Variants in CBLB observed in about 807,000 individuals in gnomAD.
The protein encoded by CBLB is Cbl proto-oncogene B.
Under a neutral mutation model 104.9 loss-of-function variants are expected in CBLB, and 31 were observed. That is an observed-to-expected ratio of 0.30 (90% confidence interval 0.22 to 0.40). The LOEUF (loss-of-function observed/expected upper bound fraction) is 0.40, where lower values mean the gene tolerates loss of function less well. Among genes scored for constraint, CBLB ranks in the 10% least tolerant of loss-of-function variants. The pLI is 1.00. For synonymous variants in CBLB, 440 were observed against 422.6 expected (o/e 1.04, Z -0.51); for missense variants, 1,062 against 1,214.6 (o/e 0.87, Z 1.87).
chr3:105,836,433 T>C (rs1365568092), intron 3 of CBLB, among the ~76,000 whole-genome samples: 1 of 152,108 alleles, frequency 6.6e-6, no homozygotes. Flanking sequence ...CCAGATAAAT[T>C]TTAAAAAGTA....
At chr3:105,859,331 T>C (rs2091897434) in intron 2 of CBLB, among the ~76,000 whole-genome samples, 2 of 152,166 alleles carry the variant, frequency 1.3e-5, no homozygotes, top group African/African-American at 4.8e-5. Context: ...TACTCTCAAG[T>C]GAACTGCCTC....
At chr3:105,737,339 A>T (rs2075061531) in intron 7 of CBLB, 81 bp from the exon 8 acceptor site, 3 of 652,794 alleles carry the variant, frequency 4.6e-6, no homozygotes, top group Non-Finnish European at 8.1e-6. Flanking sequence ...ATTTTTCTAT[A>T]TTCAAACATA....
intron 3 of CBLB, among the ~76,000 whole-genome samples, chr3:105,818,354 T>G (rs2085345774): frequency 6.6e-6 from 1 of 152,122 alleles, no homozygotes; most frequent in Admixed American, 6.5e-5. Context: ...GCTTGAGACA[T>G]AAAATCTCCA....
intron 3 of CBLB, among the ~76,000 whole-genome samples, chr3:105,820,960 T>G (rs1427458654): frequency 6.6e-6 from 1 of 152,176 alleles, no homozygotes; most frequent in East Asian, 1.9e-4. Flanking sequence ...TTGTAAAATC[T>G]GGTTTAAAAA....
intron 3 of CBLB, among the ~76,000 whole-genome samples, chr3:105,807,985 A>C (rs1275205043): frequency 5.9e-5 from 9 of 152,188 alleles, no homozygotes; most frequent in African/African-American, 1.9e-4. Flanking sequence ...ATATGTAACC[A>C]CTCTATGTTA....
intron 2 of CBLB, among the ~76,000 whole-genome samples, chr3:105,860,050 G>A (rs1054403145): frequency 2.6e-5 from 4 of 152,306 alleles, no homozygotes; most frequent in African/African-American, 9.6e-5. Flanking sequence ...CACCATTAAA[G>A]AACTGACTAG....
chr3:105,740,658 A>C (rs367961034), intron 6 of CBLB, 27 bp from the exon 7 acceptor site: 12 of 1,590,960 alleles, frequency 7.5e-6, no homozygotes, highest in Non-Finnish European at 1.0e-5. Context: ...AATTACATCT[A>C]ATTACATTCA....
intron 3 of CBLB, among the ~76,000 whole-genome samples, chr3:105,852,336 A>C (rs1198106908): frequency 2.0e-5 from 3 of 152,140 alleles, no homozygotes; most frequent in Non-Finnish European, 4.4e-5. Flanking sequence ...GATGATCCTG[A>C]CACTGTGCAG....
At chr3:105,799,088 T>A in intron 3 of CBLB, among the ~76,000 whole-genome samples, 1 of 151,016 alleles carries the variant, frequency 6.6e-6, no homozygotes, top group Non-Finnish European at 1.5e-5. Flanking sequence ...AATGAAATGT[T>A]TAACAATGAC....
In CBLB at chr3:105,745,970, G is replaced by A; in HGVS notation, c.792C>T (p.Leu264=). The part of the protein sequence containing the change: ...AVTHPGYMAF[L]TYDEVKARLQ... ...GTCGTGCTTTAACTTCATCATATGTGAGAAATGCCATGTAACCTGGATGTG... is the reference window on the plus strand; with the variant it reads ...GTCGTGCTTTAACTTCATCATATGTAAGAAATGCCATGTAACCTGGATGTG... The change falls in exon 6 of 19, where the codon CTC becomes CTT. Residue 264 remains leucine, a synonymous_variant. Coordinates refer to ENST00000394030, the MANE Select transcript of CBLB (RefSeq NM_170662.5). The A allele has an allele frequency of 6.2e-7, 1 of 1,611,302 alleles. No individual in the cohort carries two copies. Among genetic ancestry groups the A allele is most frequent in the Non-Finnish European group, 8.5e-7 (1 of 1,177,576 alleles).
At chr3:105,661,882 C>T (rs1463941535) in intron 18 of CBLB, among the ~76,000 whole-genome samples, 1 of 151,884 alleles carries the variant, frequency 6.6e-6, no homozygotes, top group Admixed American at 6.6e-5. Flanking sequence ...ACTGAGGAGA[C>T]CATTAAAAAG....
chr3:105,758,187 C>G (rs2077254137), intron 4 of CBLB, among the ~76,000 whole-genome samples: 1 of 152,102 alleles, frequency 6.6e-6, no homozygotes, highest in African/African-American at 2.4e-5. Flanking sequence ...AAGGGAAAAG[C>G]AATTGTTTTC....
At chr3:105,794,465 T>C (rs948038923) in intron 3 of CBLB, among the ~76,000 whole-genome samples, 5 of 152,328 alleles carry the variant, frequency 3.3e-5, no homozygotes, top group Non-Finnish European at 7.3e-5. Flanking sequence ...TCTTTTAGGA[T>C]ATTTTGAAAT....
chr3:105,662,783 A>C (rs572750271), intron 18 of CBLB, among the ~76,000 whole-genome samples: 61 of 152,360 alleles, frequency 4.0e-4, no homozygotes, highest in Non-Finnish European at 7.6e-4. Flanking sequence ...TGAGAAAGAA[A>C]GATTTGAGAA....
intron 3 of CBLB, among the ~76,000 whole-genome samples, chr3:105,784,584 A>C (rs2080731517): frequency 6.6e-6 from 1 of 152,218 alleles, no homozygotes; most frequent in East Asian, 1.9e-4. Context: ...AAAACAGTGA[A>C]GTGGCAATCT....
intron 3 of CBLB, among the ~76,000 whole-genome samples, chr3:105,787,536 T>C (rs921586210): frequency 6.6e-6 from 1 of 152,198 alleles, no homozygotes; most frequent in African/African-American, 2.4e-5. Context: ...GGAGACTAGA[T>C]AACTCTGGCG....
chr3:105,745,172 C>G (rs955134139), intron 6 of CBLB, among the ~76,000 whole-genome samples: 13 of 152,190 alleles, frequency 8.5e-5, no homozygotes, highest in African/African-American at 3.1e-4. Flanking sequence ...ACTCAGCATA[C>G]TGCCTGCCAT....
Position 105,767,412 on chromosome 3 carries a change from G to A in CBLB, c.566+8984C>T, listed in dbSNP as rs757444358. 7.9e-5 allele frequency among the ~76,000 whole-genome samples: 12 copies of A among 152,040 alleles called. No individual in the cohort carries two copies. The Middle Eastern group carries it at 0.014, about 172-fold the overall frequency. ...CGGGAAACCAAAGAAGGCCCTTATT[G>A]CTTTTGCAGGAAATCAATCATAGAG... On this transcript the variant is annotated intron_variant, in intron 4 of 18. Transcript: ENST00000394030.
intron 3 of CBLB, among the ~76,000 whole-genome samples, chr3:105,851,085 T>A (rs2090885804): frequency 6.6e-6 from 1 of 152,110 alleles, no homozygotes; most frequent in African/African-American, 2.4e-5. Flanking sequence ...ACACAAATAT[T>A]TATTGCAACT....
Sources: allele counts gnomAD v4.1 joint callset (sites outside exome capture counted in the v4.1 genomes callset), GRCh38; gene constraint gnomAD v4.1.1; transcripts MANE v1.5; gene names NCBI Gene and HGNC (gene_info 2026-07-23, HGNC 2026-07-21).